PEX14: variants seen among roughly 807,000 people sequenced by gnomAD.
PEX14 encodes peroxisomal biogenesis factor 14.
In PEX14, 15 loss-of-function variants were observed where a neutral mutation model predicts 49.5. That is an observed-to-expected ratio of 0.30 (90% CI 0.20 to 0.47). The LOEUF is 0.47. PEX14 is among the 20% of genes least tolerant of loss of function. The probability of loss-of-function intolerance (pLI) is 1.00; values close to 1 mark genes in which losing one functional copy is unlikely to be tolerated. For synonymous variants in PEX14, 210 were observed against 212.7 expected (o/e 0.99, Z 0.11); for missense variants, 398 against 494.8 (o/e 0.80, Z 1.86).
chr1:10,518,851 C>G (rs1342899910), intron 2 of PEX14, among the ~76,000 whole-genome samples: 7 of 152,208 alleles, frequency 4.6e-5, no homozygotes, highest in Admixed American at 4.6e-4. Flanking sequence ...AGGATTTCAT[C>G]CTTGATTTAC....
intron 3 of PEX14, among the ~76,000 whole-genome samples, chr1:10,568,098 T>A (rs1004884824): frequency 1.3e-5 from 2 of 152,200 alleles, no homozygotes; most frequent in Non-Finnish European, 1.5e-5. Context: ...TTCCAGGTGC[T>A]ATATGTAAAT....
chr1:10,477,705 G>A (rs917777323), intron 1 of PEX14, among the ~76,000 whole-genome samples: 1 of 152,096 alleles, frequency 6.6e-6, no homozygotes, highest in Admixed American at 6.6e-5. Flanking sequence ...GTAGAATAGC[G>A]GTTACAAGTA....
intron 2 of PEX14, among the ~76,000 whole-genome samples, chr1:10,522,629 C>T (rs1638338828): frequency 6.6e-6 from 1 of 152,156 alleles, no homozygotes; most frequent in Non-Finnish European, 1.5e-5. Context: ...GCTGGTGTAC[C>T]GTGAGGACCT....
rs1401302828 is a variant in PEX14, at chr1:10,630,478, C to T, written c.*491C>T. 6.1e-6 allele frequency: 1 copy of T among 163,278 alleles called. No individual in the cohort carries two copies. Among genetic ancestry groups the T allele is most frequent in the Non-Finnish European group, 1.3e-5 (1 of 74,998 alleles). 10.1% of individuals were successfully genotyped at this position (163,278 alleles called of 1,614,324 possible). A position where few individuals can be genotyped will look rare whatever the true frequency, so the allele number is the denominator to read the frequency against. ...GGCCCTGGACCCGTCAGGTGCCTGT[C>T]CCCAGCCCCAACCCCACTCATGCCC... On this transcript the variant is annotated 3_prime_UTR_variant, in exon 9 of 9. Transcript: ENST00000356607. The surrounding 1 kb of genome is among the most constrained non-coding windows in gnomAD (Gnocchi z 4.1).
intron 5 of PEX14, among the ~76,000 whole-genome samples, chr1:10,618,706 G>T (rs1011981716): frequency 1.2e-4 from 18 of 152,222 alleles, no homozygotes; most frequent in Admixed American, 9.8e-4. Flanking sequence ...CCCATGTCAG[G>T]CACTTACAGT....
chr1:10,475,328 T>C (rs1418281282), intron 1 of PEX14, among the ~76,000 whole-genome samples: 1 of 152,082 alleles, frequency 6.6e-6, no homozygotes, highest in East Asian at 1.9e-4. Context: ...AGCCTTGAGC[T>C]GCGAGGGCTT....
chr1:10,570,395 C>T (rs1328890662), intron 3 of PEX14, among the ~76,000 whole-genome samples: 6 of 151,190 alleles, frequency 4.0e-5, no homozygotes, highest in Non-Finnish European at 7.4e-5. Flanking sequence ...TGCAGTGGTG[C>T]GATCTTGGCT....
intron 3 of PEX14, among the ~76,000 whole-genome samples, chr1:10,586,339 C>T (rs1313103942): frequency 6.6e-6 from 1 of 152,200 alleles, no homozygotes; most frequent in Non-Finnish European, 1.5e-5. Context: ...TGTGGGACAG[C>T]TAGAGCTCTT....
chr1:10,616,598 C>T (rs1180219482), intron 4 of PEX14, among the ~76,000 whole-genome samples: 1 of 152,200 alleles, frequency 6.6e-6, no homozygotes, highest in East Asian at 1.9e-4. Flanking sequence ...CTCCTGATGA[C>T]AGATCCTTCG....
chr1:10,533,571 C>T (rs140987186), intron 2 of PEX14, among the ~76,000 whole-genome samples: 10 of 152,272 alleles, frequency 6.6e-5, no homozygotes, highest in African/African-American at 9.6e-5. Context: ...ATATCCCCCA[C>T]GTTCTTCTTA....
At chr1:10,549,143 T>C (rs1639262569) in intron 3 of PEX14, among the ~76,000 whole-genome samples, 1 of 152,158 alleles carries the variant, frequency 6.6e-6, no homozygotes, top group Non-Finnish European at 1.5e-5. Flanking sequence ...AAAAAAATCA[T>C]GACCCTCTGT....
intron 3 of PEX14, among the ~76,000 whole-genome samples, chr1:10,578,632 T>C (rs750759839): frequency 2.3e-4 from 35 of 152,072 alleles, no homozygotes; most frequent in Non-Finnish European, 2.2e-4. Context: ...AGGTGAACAG[T>C]AACTTTAACT....
intron 1 of PEX14, among the ~76,000 whole-genome samples, chr1:10,479,119 G>A (rs1028852532): frequency 2.6e-5 from 4 of 151,868 alleles, no homozygotes; most frequent in Non-Finnish European, 5.9e-5. Context: ...GCTCATACCT[G>A]TAATCTTAGC....
chr1:10,594,340 C>T (rs1640767445), intron 3 of PEX14, among the ~76,000 whole-genome samples: 1 of 151,962 alleles, frequency 6.6e-6, no homozygotes, highest in Non-Finnish European at 1.5e-5. Flanking sequence ...GAGAGGTGAC[C>T]CCCTCTCAGT....
chr1:10,582,848 C>T (rs1394620470), intron 3 of PEX14, among the ~76,000 whole-genome samples: 2 of 152,182 alleles, frequency 1.3e-5, no homozygotes, highest in East Asian at 1.9e-4. Flanking sequence ...ATTCTGCCAC[C>T]CCAGCCTCCT....
intron 2 of PEX14, among the ~76,000 whole-genome samples, chr1:10,524,133 A>G (rs902224084): frequency 6.6e-6 from 1 of 152,102 alleles, no homozygotes; most frequent in Non-Finnish European, 1.5e-5. Context: ...TTGCTTCAAC[A>G]TTATTTTATT....
At position 10,630,138 on chromosome 1, in the gene PEX14, G is replaced by C. The variant is rs1035979819; in HGVS notation, c.*151G>C. ...AGCTGCACTGCGGCCTGGTGGCAGTGTGGGGAGTCACACTTCTGTCCACCT... is the reference window on the plus strand; with the variant it reads ...AGCTGCACTGCGGCCTGGTGGCAGTCTGGGGAGTCACACTTCTGTCCACCT... On this transcript the variant is annotated 3_prime_UTR_variant, in exon 9 of 9. Coordinates refer to ENST00000356607, the MANE Select transcript of PEX14 (RefSeq NM_004565.3). This position sits in a 1 kb window ranked among gnomAD's most constrained non-coding sequence, Gnocchi z 4.1. 1.5e-4 allele frequency: 192 copies of C among 1,253,464 alleles called. 1 individual carries two copies. The highest frequency in any genetic ancestry group is 2.0e-4 in the Non-Finnish European group (186 of 920,154). 77.6% of individuals were successfully genotyped at this position (1,253,464 alleles called of 1,614,324 possible). A position where few individuals can be genotyped will look rare whatever the true frequency, so the allele number is the denominator to read the frequency against.
At chr1:10,560,863 G>A (rs1274861365) in intron 3 of PEX14, among the ~76,000 whole-genome samples, 4 of 151,338 alleles carry the variant, frequency 2.6e-5, no homozygotes, top group Non-Finnish European at 5.9e-5. Context: ...GATTATAGGC[G>A]CACACCACCA....
At chr1:10,595,574 C>A (rs1640812629) in intron 3 of PEX14, among the ~76,000 whole-genome samples, 1 of 152,168 alleles carries the variant, frequency 6.6e-6, no homozygotes, top group Non-Finnish European at 1.5e-5. Flanking sequence ...GATACCTCAA[C>A]TAAAAGAACA....
Sources: gnomAD v4.1 joint callset for allele counts (sites outside exome capture counted in the v4.1 genomes callset) on GRCh38, gnomAD v4.1.1 for gene constraint, Gnocchi (gnomAD v3.1) non-coding constraint, MANE v1.5 for transcripts, NCBI Gene and HGNC (gene_info 2026-07-23, HGNC 2026-07-21) for gene names.